CDH12: variants seen among roughly 807,000 people sequenced by gnomAD.
CDH12 encodes the protein cadherin 12, also known as cadherin-12.
A neutral mutation model predicts 74.1 loss-of-function variants in CDH12; 41 were observed. The ratio of observed to expected loss-of-function variants is 0.55; its 90% CI spans 0.43 to 0.72. The LOEUF is 0.72. CDH12 is among the 30% of genes least tolerant of loss of function. The pLI, the probability that CDH12 is intolerant of heterozygous loss-of-function variation, is 0.00. For synonymous variants in CDH12, 399 were observed against 355.0 expected (o/e 1.12, Z -1.39); for missense variants, 945 against 977.2 (o/e 0.97, Z 0.44).
intron 2 of CDH12, among the ~76,000 whole-genome samples, chr5:22,472,031 T>G (rs1003767208): frequency 5.9e-5 from 9 of 152,004 alleles, no homozygotes; most frequent in African/African-American, 2.2e-4. Context: ...ACACCCAGGG[T>G]AAGGGAATTC....
chr5:22,593,232 G>GTC (rs10549680), intron 1 of CDH12, among the ~76,000 whole-genome samples: 3 of 150,472 alleles, frequency 2.0e-5, no homozygotes, highest in African/African-American at 7.3e-5. Flanking sequence ...CAAGCATTCT[G>GTC]TCTCTCTCTC....
At chr5:22,799,297 T>C (rs1431013805) in intron 1 of CDH12, among the ~76,000 whole-genome samples, 1 of 152,182 alleles carries the variant, frequency 6.6e-6, no homozygotes, top group Non-Finnish European at 1.5e-5. Context: ...AAAGCGTATA[T>C]ATCATGGAAA....
chr5:22,529,178 TATATATATATAG>T (rs1737449322), intron 1 of CDH12, among the ~76,000 whole-genome samples: 1 of 81,746 alleles, frequency 1.2e-5, no homozygotes, highest in African/African-American at 4.6e-5. Context: ...TATATATATA[TATATATATATAG>T]AGAGAGAGAG....
intron 4 of CDH12, among the ~76,000 whole-genome samples, chr5:22,123,212 T>C (rs1745627431): frequency 6.6e-6 from 1 of 152,122 alleles, no homozygotes; most frequent in Admixed American, 6.6e-5. Flanking sequence ...ATCTCCCTCA[T>C]TCCTTCTGCT....
In CDH12 at chr5:22,326,360, C is replaced by G. The variant is rs867601821; in HGVS notation, c.-333+78897G>C. On this transcript the variant is annotated intron_variant, in intron 3 of 14. Transcript: ENST00000382254. Reference sequence around the variant, plus strand: ...ACGCCATTCTCCTGCCTCAGCCTCCCGAGTAGCTGGGACTACAGGCACCCG... The same window carrying G: ...ACGCCATTCTCCTGCCTCAGCCTCCGGAGTAGCTGGGACTACAGGCACCCG... Among the ~76,000 whole-genome samples the G allele has an allele frequency of 1.3e-3, 201 of 152,178 alleles. 1 individual carries two copies. The highest frequency in any genetic ancestry group is 4.3e-3 in the African/African-American group (180 of 41,538).
chr5:22,650,579 C>T (rs1224757288), intron 1 of CDH12, among the ~76,000 whole-genome samples: 1 of 152,026 alleles, frequency 6.6e-6, no homozygotes, highest in African/African-American at 2.4e-5. Flanking sequence ...TTGCTGTAGG[C>T]ATTTAGAAGT....
At chr5:21,908,123 C>T (rs1336963093) in intron 6 of CDH12, among the ~76,000 whole-genome samples, 1 of 152,142 alleles carries the variant, frequency 6.6e-6, no homozygotes, top group Non-Finnish European at 1.5e-5. Context: ...AGAGGCTTCT[C>T]AGTTATTTTA....
At chr5:21,898,429 G>A (rs1245668637) in intron 6 of CDH12, among the ~76,000 whole-genome samples, 8 of 152,082 alleles carry the variant, frequency 5.3e-5, no homozygotes, top group Non-Finnish European at 1.0e-4. Context: ...AAGGCCAGGC[G>A]CGGTGGCTCA....
intron 2 of CDH12, among the ~76,000 whole-genome samples, chr5:22,459,491 A>G (rs1438984854): frequency 1.3e-5 from 2 of 152,188 alleles, no homozygotes; most frequent in Non-Finnish European, 2.9e-5. Flanking sequence ...TGTCAAAGAA[A>G]TGTAAAGATT....
intron 2 of CDH12, among the ~76,000 whole-genome samples, chr5:22,500,468 A>G (rs1747285423): frequency 6.6e-6 from 1 of 152,198 alleles, no homozygotes; most frequent in South Asian, 2.1e-4. Context: ...CAATCAAAGC[A>G]AATGATAAGC....
intron 4 of CDH12, among the ~76,000 whole-genome samples, chr5:22,177,731 A>G (rs185787815): frequency 0.056 from 8,547 of 152,096 alleles, 256 homozygotes; most frequent in Non-Finnish European, 0.062. Context: ...CTATCACACC[A>G]TCAAACACTT....
intron 5 of CDH12, among the ~76,000 whole-genome samples, chr5:22,028,288 G>C (rs1738528665): frequency 1.3e-5 from 2 of 152,062 alleles, no homozygotes; most frequent in African/African-American, 4.8e-5. Flanking sequence ...AGGAAATAAA[G>C]GGTATTCAAT....
At chr5:21,849,937 T>C (rs1387313437) in intron 7 of CDH12, among the ~76,000 whole-genome samples, 1 of 151,664 alleles carries the variant, frequency 6.6e-6, no homozygotes, top group Non-Finnish European at 1.5e-5. Context: ...AATAAGAAAC[T>C]GTGGTATACA....
chr5:22,569,326 C>T (rs1739435793), intron 1 of CDH12, among the ~76,000 whole-genome samples: 1 of 152,110 alleles, frequency 6.6e-6, no homozygotes. Context: ...CCCACACCAC[C>T]ACTCTCTTTC....
At position 22,639,413 on chromosome 5, in the gene CDH12, T is replaced by C. The variant is rs190717017; in HGVS notation, c.-522-134049A>G. Among the ~76,000 whole-genome samples, 181 of 150,732 alleles carry C rather than the reference T, an allele frequency of 1.2e-3. 3 individuals carry two copies. In the Middle Eastern group the frequency reaches 0.027, roughly 23 times the overall value. ...AAGTTTTTAAATCTTTCTGGGATGATATTTAAGCTTTTCTTCTTCTTTTTT... is the reference window on the plus strand; with the variant it reads ...AAGTTTTTAAATCTTTCTGGGATGACATTTAAGCTTTTCTTCTTCTTTTTT... On this transcript the variant is annotated intron_variant, in intron 1 of 14. Transcript: ENST00000382254.
At chr5:22,492,582 G>A (rs761715913) in intron 2 of CDH12, among the ~76,000 whole-genome samples, 1 of 151,962 alleles carries the variant, frequency 6.6e-6, no homozygotes, top group Non-Finnish European at 1.5e-5. Flanking sequence ...CCTGACCTCT[G>A]GTGATCCACA....
At chr5:21,851,025 T>G (rs890043757) in intron 7 of CDH12, among the ~76,000 whole-genome samples, 2 of 151,296 alleles carry the variant, frequency 1.3e-5, no homozygotes, top group South Asian at 4.1e-4. Context: ...TGGTAAAAAT[T>G]GTCAATTTTA....
chr5:22,305,355 A>T (rs1022150136), intron 3 of CDH12, among the ~76,000 whole-genome samples: 1 of 152,178 alleles, frequency 6.6e-6, no homozygotes, highest in Non-Finnish European at 1.5e-5. Flanking sequence ...CGGCATTATT[A>T]TCACAGGTTG....
chr5:21,931,187 A>T (rs1054685612), intron 6 of CDH12, among the ~76,000 whole-genome samples: 2 of 152,174 alleles, frequency 1.3e-5, no homozygotes, highest in Non-Finnish European at 2.9e-5. Flanking sequence ...AGAGCATATG[A>T]TACAACAACT....
Sources: allele counts gnomAD v4.1 joint callset (sites outside exome capture counted in the v4.1 genomes callset), GRCh38; gene constraint gnomAD v4.1.1; transcripts MANE v1.5; gene names NCBI Gene and HGNC (gene_info 2026-07-23, HGNC 2026-07-21).